Variants in CTCF observed in about 807,000 individuals in gnomAD.
CTCF encodes CCCTC-binding factor, also known as transcriptional repressor CTCF.
CTCF carries 7 observed loss-of-function variants against 72.3 expected under a neutral mutation model. That is an observed-to-expected ratio of 0.10 (90% CI 0.06 to 0.18). The LOEUF is 0.18. CTCF is among the 10% of genes least tolerant of loss of function. The pLI, the probability that CTCF is intolerant of heterozygous loss-of-function variation, is 1.00. For synonymous variants in CTCF, 374 were observed against 315.8 expected, an observed-to-expected ratio of 1.18 and a Z score of -1.95; for missense variants, 516 against 949.1, an observed-to-expected ratio of 0.54 and a Z score of 6.00.
At chr16:67,613,198 G>A (rs964778631) in intron 4 of CTCF, among the ~76,000 whole-genome samples, 1 of 152,202 alleles carries the variant, frequency 6.6e-6, no homozygotes, top group Non-Finnish European at 1.5e-5. Flanking sequence ...CCCAGTGTAG[G>A]AAGTTGGTTG....
At chr16:67,617,478 G>A (rs1050755517) in intron 5 of CTCF, among the ~76,000 whole-genome samples, 5 of 151,644 alleles carry the variant, frequency 3.3e-5, no homozygotes, top group Non-Finnish European at 7.4e-5. Context: ...CAGCCTGGGC[G>A]ACAGAGCGAG....
At chr16:67,609,862 G>T (rs989048747) in intron 2 of CTCF, among the ~76,000 whole-genome samples, 1 of 152,136 alleles carries the variant, frequency 6.6e-6, no homozygotes, top group African/African-American at 2.4e-5. Flanking sequence ...CTGACCTCCG[G>T]TAATCTGCCC....
At position 67,631,691 on chromosome 16, in the gene CTCF, C is replaced by CT. The variant is rs1420919194; in HGVS notation, c.1837+2168dup. 1.6e-3 allele frequency among the ~76,000 whole-genome samples: 150 copies of CT among 90,916 alleles called. 10 individuals carry two copies. The East Asian group carries it at 0.039, about 24-fold the overall frequency. The allele number at this position is 90,916 out of a possible 152,430, so 59.6% of individuals were successfully genotyped here. A position where few individuals can be genotyped will look rare whatever the true frequency, so the allele number is the denominator to read the frequency against. ...ACAAGGTCCCCCCCACCCCCCCCCC[C>CT]TTTTTTTTTTCCTTTTTTTAAATGG... On this transcript the variant is annotated intron_variant, in intron 10 of 11. Coordinates refer to ENST00000264010, the MANE Select transcript of CTCF (RefSeq NM_006565.4).
At position 67,568,735 on chromosome 16, in the gene CTCF, G is replaced by A. The variant is rs536986656; in HGVS notation, c.-126-2413G>A. Reference sequence around the variant, plus strand: ...TGTAGAGACGGGGTTTTGCCATGTTGCCCTGACTGGCTTTGAACTCCTAGG... The same window carrying A: ...TGTAGAGACGGGGTTTTGCCATGTTACCCTGACTGGCTTTGAACTCCTAGG... On this transcript the variant is annotated intron_variant, in intron 1 of 11. Transcript: ENST00000264010. 3.3e-5 allele frequency among the ~76,000 whole-genome samples: 5 copies of A among 151,946 alleles called. No homozygotes were observed. In the East Asian group the frequency reaches 5.8e-4, roughly 18 times the overall value.
At chr16:67,624,111 G>GTGTGTGTA (rs1567614049) in intron 7 of CTCF, among the ~76,000 whole-genome samples, 1 of 134,006 alleles carries the variant, frequency 7.5e-6, no homozygotes, top group East Asian at 2.0e-4. Context: ...GTGTGTGTGT[G>GTGTGTGTA]TGTGTATGTG....
intron 5 of CTCF, among the ~76,000 whole-genome samples, chr16:67,619,874 G>A (rs148600965): frequency 2.7e-4 from 41 of 152,238 alleles, no homozygotes; most frequent in African/African-American, 9.6e-4. Context: ...GTGAGCCACC[G>A]TGACCTGCCC....
chr16:67,613,541 A>G (rs893006695), intron 4 of CTCF, among the ~76,000 whole-genome samples: 4 of 152,316 alleles, frequency 2.6e-5, no homozygotes, highest in South Asian at 2.1e-4. Flanking sequence ...TGGAAATCCA[A>G]TGGGGGGTAG....
At position 67,638,162 on chromosome 16, in the gene CTCF, G is replaced by A; in HGVS notation, c.*290G>A. 1 of 343,636 alleles carries A rather than the reference G, an allele frequency of 2.9e-6. No homozygotes were observed. The highest frequency in any genetic ancestry group is 5.3e-6 in the Non-Finnish European group (1 of 188,898). 21.3% of individuals were successfully genotyped at this position (343,636 alleles called of 1,614,324 possible). ...TTTCCTAGATGGAAACGGAGACATT[G>A]ACCCCTCCCTCCATGTGGTAAACCA... is the stretch of plus-strand genomic sequence containing the variant. On this transcript the variant is annotated 3_prime_UTR_variant, in exon 12 of 12. Transcript: ENST00000264010.
intron 2 of CTCF, among the ~76,000 whole-genome samples, chr16:67,597,646 C>G (rs2051832518): frequency 6.6e-6 from 1 of 152,154 alleles, no homozygotes; most frequent in Non-Finnish European, 1.5e-5. Flanking sequence ...CCTGCCAATG[C>G]TTCTTTGTTT....
In CTCF at chr16:67,628,422, C is replaced by T; in HGVS notation, c.1571C>T (p.Ala524Val). Residue 524 changes from alanine (A) to valine (V), a missense_variant, in exon 9 of 12, where the codon GCC becomes GTC. Ala to Val is a moderately conservative substitution (Grantham distance 64). Transcript: ENST00000264010. The part of the protein sequence containing the change: ...KRTHTGEKPY[A>V]CSHCDKTFRQ... Reference sequence around the variant, plus strand: ...ACCCACACCGGGGAGAAGCCTTACGCCTGCAGCCACTGCGATAAGACCTTC... The same window carrying T: ...ACCCACACCGGGGAGAAGCCTTACGTCTGCAGCCACTGCGATAAGACCTTC... 6.2e-7 allele frequency: 1 copy of T among 1,614,210 alleles called. No homozygotes were observed. The highest frequency in any genetic ancestry group is 8.5e-7 in the Non-Finnish European group (1 of 1,180,042).
intron 2 of CTCF, among the ~76,000 whole-genome samples, chr16:67,596,386 G>C (rs2051815212): frequency 6.6e-6 from 1 of 151,980 alleles, no homozygotes; most frequent in South Asian, 2.1e-4. Flanking sequence ...TGTATTTTCA[G>C]TCATCTATTT....
chr16:67,604,890 A>C (rs2051952687), intron 2 of CTCF, among the ~76,000 whole-genome samples: 2 of 151,046 alleles, frequency 1.3e-5, no homozygotes, highest in South Asian at 4.2e-4. Context: ...AATCTGTCTG[A>C]ACAGTACTGA....
intron 1 of CTCF, among the ~76,000 whole-genome samples, chr16:67,565,438 A>G (rs1008737952): frequency 6.6e-6 from 1 of 152,018 alleles, no homozygotes; most frequent in Non-Finnish European, 1.5e-5. Flanking sequence ...ACTTTGGGTG[A>G]CCAAGGCGGG....
At chr16:67,595,067 A>G (rs888960045) in intron 2 of CTCF, among the ~76,000 whole-genome samples, 2 of 152,172 alleles carry the variant, frequency 1.3e-5, no homozygotes, top group African/African-American at 4.8e-5. Flanking sequence ...GCTAAGATGG[A>G]GAATTTGGAC....
At chr16:67,587,100 A>T (rs191439472) in intron 2 of CTCF, among the ~76,000 whole-genome samples, 1,877 of 99,050 alleles carry the variant, frequency 0.019, 76 homozygotes, top group Non-Finnish European at 0.029. Flanking sequence ...CTTCTTAAAC[A>T]TTTTTTTTTT....
At chr16:67,613,545 G>C (rs576700876) in intron 4 of CTCF, among the ~76,000 whole-genome samples, 2 of 152,234 alleles carry the variant, frequency 1.3e-5, no homozygotes, top group East Asian at 1.9e-4. Context: ...AATCCAATGG[G>C]GGGTAGATGA....
intron 10 of CTCF, 121 bp from the exon 11 acceptor site, chr16:67,636,569 G>GTATATATA (rs66893507): frequency 7.4e-5 from 18 of 244,756 alleles, no homozygotes; most frequent in African/African-American, 2.6e-4. Context: ...GAAAGAAAGT[G>GTATATATA]TATATATATA....
chr16:67,569,788 C>T (rs184969112), intron 1 of CTCF, among the ~76,000 whole-genome samples: 26 of 151,262 alleles, frequency 1.7e-4, no homozygotes, highest in African/African-American at 5.8e-4. Context: ...TGGGTTCAGG[C>T]GATTCTCCTG....
At chr16:67,631,173 T>TG (rs2052359866) in intron 10 of CTCF, among the ~76,000 whole-genome samples, 1 of 114,378 alleles carries the variant, frequency 8.7e-6, no homozygotes, top group Non-Finnish European at 2.2e-5. Context: ...TTGTTTTTTG[T>TG]TTTTTTTTTG....
Sources: gnomAD v4.1 joint callset for allele counts (sites outside exome capture counted in the v4.1 genomes callset) on GRCh38, gnomAD v4.1.1 for gene constraint, MANE v1.5 for transcripts, NCBI Gene and HGNC (gene_info 2026-07-23, HGNC 2026-07-21) for gene names.